HHAT: variants seen among roughly 807,000 people sequenced by gnomAD.
The protein encoded by HHAT is protein-cysteine N-palmitoyltransferase HHAT.
HHAT carries 47 observed loss-of-function variants against 70.8 expected under a neutral mutation model. The observed-to-expected ratio is 0.66, with a 90% CI of 0.53 to 0.85. The LOEUF is 0.85. Among genes scored for constraint, HHAT ranks in the 40% least tolerant of loss-of-function variants. HHAT has a pLI of 0.00. For synonymous variants in HHAT, 228 were observed against 247.6 expected (o/e 0.92, Z 0.74); for missense variants, 609 against 604.8 (o/e 1.01, Z -0.07).
intron 4 of HHAT, among the ~76,000 whole-genome samples, chr1:210,393,439 A>T (rs1451256066): frequency 6.6e-6 from 1 of 152,144 alleles, no homozygotes; most frequent in Non-Finnish European, 1.5e-5. Flanking sequence ...GGGGAGTCAC[A>T]GTTGAGTGGG....
Position 210,623,582 on chromosome 1 carries a change from T to A in HHAT, c.1302T>A (p.Cys434Ter). Residue 434 changes from cysteine to a stop codon, truncating the protein, a stop_gained, in exon 11 of 12, where the codon TGT (cysteine) becomes TGA (stop). Coordinates refer to ENST00000261458, the MANE Select transcript of HHAT (RefSeq NM_018194.6). LOFTEE classifies it high-confidence loss of function. ...RRRFHAALAS[C>*]STSMLILSNL... is the part of the protein sequence containing the mutation. ...GATTCCACGCTGCCCTTGCTTCTTG[T>A]TCCACCTCGATGCTGATCCTGTCCA... 6.2e-7 allele frequency: 1 copy of A among 1,614,144 alleles called. No individual in the cohort carries two copies. The highest frequency in any genetic ancestry group is 8.5e-7 in the Non-Finnish European group (1 of 1,180,012).
chr1:210,599,110 A>G (rs1327221364), intron 10 of HHAT, among the ~76,000 whole-genome samples: 1 of 152,196 alleles, frequency 6.6e-6, no homozygotes, highest in Admixed American at 6.5e-5. Flanking sequence ...GGTGACAGAA[A>G]TGTTAATTGC....
chr1:210,403,967 C>A (rs2092209543), intron 5 of HHAT, among the ~76,000 whole-genome samples: 1 of 146,432 alleles, frequency 6.8e-6, no homozygotes, highest in Non-Finnish European at 1.5e-5. Context: ...GTCTGTAAAG[C>A]TTATTAGACA....
intron 4 of HHAT, 94 bp from the exon 5 acceptor site, chr1:210,400,374 C>T: frequency 8.8e-7 from 1 of 1,131,244 alleles, no homozygotes; most frequent in Non-Finnish European, 1.2e-6. Flanking sequence ...ACATGTAGAA[C>T]CTTCAATATC....
At chr1:210,336,859 T>TA (rs2085547246) in intron 1 of HHAT, among the ~76,000 whole-genome samples, 1 of 152,174 alleles carries the variant, frequency 6.6e-6, no homozygotes, top group South Asian at 2.1e-4. Context: ...AAAGTTTACT[T>TA]AAAATCTTGT....
intron 7 of HHAT, among the ~76,000 whole-genome samples, chr1:210,424,538 C>T (rs1028750951): frequency 4.0e-5 from 6 of 148,708 alleles, no homozygotes; most frequent in Non-Finnish European, 8.9e-5. Context: ...TATTTCATCA[C>T]CCAGCTATTA....
chr1:210,553,985 G>A (rs1210440323), intron 9 of HHAT, among the ~76,000 whole-genome samples: 1 of 152,060 alleles, frequency 6.6e-6, no homozygotes, highest in Non-Finnish European at 1.5e-5. Context: ...TATTTTTATT[G>A]CGAACTTAAA....
At chr1:210,596,620 G>A (rs549196973) in intron 10 of HHAT, among the ~76,000 whole-genome samples, 1 of 151,946 alleles carries the variant, frequency 6.6e-6, no homozygotes, top group Non-Finnish European at 1.5e-5. Flanking sequence ...GCATTCTTCA[G>A]TATGTCAGTT....
intron 8 of HHAT, among the ~76,000 whole-genome samples, chr1:210,465,813 C>T (rs2094088715): frequency 6.6e-6 from 1 of 152,232 alleles, no homozygotes; most frequent in South Asian, 2.1e-4. Flanking sequence ...TATTTTTGGT[C>T]TAGTTTGCTT....
At chr1:210,471,362 T>C (rs2094201417) in intron 8 of HHAT, among the ~76,000 whole-genome samples, 1 of 152,114 alleles carries the variant, frequency 6.6e-6, no homozygotes, top group Non-Finnish European at 1.5e-5. Context: ...CCTTTCTTAC[T>C]TTATGACTGT....
intron 7 of HHAT, among the ~76,000 whole-genome samples, chr1:210,440,403 G>A (rs553852785): frequency 6.6e-6 from 1 of 151,694 alleles, no homozygotes. Flanking sequence ...CCCAAGCAGA[G>A]TGAGGAGGCT....
intron 11 of HHAT, among the ~76,000 whole-genome samples, chr1:210,631,412 G>A (rs745392894): frequency 9.2e-5 from 14 of 152,166 alleles, no homozygotes; most frequent in Non-Finnish European, 1.8e-4. Context: ...CCAGCTTGAG[G>A]CTTGCTAGCT....
chr1:210,329,470 C>G (rs751179745), intron 1 of HHAT: 16 of 1,038,598 alleles, frequency 1.5e-5, no homozygotes, highest in Non-Finnish European at 1.8e-5. Context: ...TGCTGTGACT[C>G]CAGGGACTCT....
At chr1:210,520,503 T>G (rs11119521) in intron 9 of HHAT, among the ~76,000 whole-genome samples, 97,255 of 150,662 alleles carry the variant, frequency 0.65, 33,069 homozygotes, top group Non-Finnish European at 0.77. Context: ...GTTTGTTTTT[T>G]ATCTTTCTCA....
intron 5 of HHAT, 76 bp downstream of exon 5, chr1:210,400,738 G>C: frequency 7.4e-7 from 1 of 1,345,056 alleles, no homozygotes; most frequent in Admixed American, 2.2e-5. Flanking sequence ...TAGACACCTT[G>C]GTTTTCAGAC....
intron 7 of HHAT, among the ~76,000 whole-genome samples, chr1:210,448,648 A>G (rs1265346580): frequency 6.6e-6 from 1 of 152,214 alleles, no homozygotes; most frequent in Non-Finnish European, 1.5e-5. Flanking sequence ...AGCCATTCTC[A>G]TCCCAGCTTT....
chr1:210,382,508 A>C (rs1175943753), intron 3 of HHAT, among the ~76,000 whole-genome samples: 1 of 152,208 alleles, frequency 6.6e-6, no homozygotes, highest in African/African-American at 2.4e-5. Flanking sequence ...AATGTTGGGC[A>C]TCTAGGAGAC....
intron 8 of HHAT, among the ~76,000 whole-genome samples, chr1:210,465,185 T>C (rs2094073947): frequency 6.6e-6 from 1 of 152,236 alleles, no homozygotes; most frequent in Non-Finnish European, 1.5e-5. Flanking sequence ...TGGTATATAA[T>C]AGATGTTTAC....
intron 3 of HHAT, among the ~76,000 whole-genome samples, chr1:210,387,060 C>A (rs903471162): frequency 2.6e-5 from 4 of 152,114 alleles, no homozygotes; most frequent in African/African-American, 9.7e-5. Context: ...AGCCTCAATT[C>A]ATTACTTGTA....
Sources: allele counts gnomAD v4.1 joint callset (sites outside exome capture counted in the v4.1 genomes callset), GRCh38; gene constraint gnomAD v4.1.1; transcripts MANE v1.5; gene names NCBI Gene and HGNC (gene_info 2026-07-23, HGNC 2026-07-21).